GRID2: variants seen among roughly 807,000 people sequenced by gnomAD.
GRID2 encodes glutamate receptor ionotropic, delta-2.
Under a neutral mutation model 114.8 loss-of-function variants are expected in GRID2, and 33 were observed. The ratio of observed to expected loss-of-function variants is 0.29; its 90% CI spans 0.22 to 0.38. The LOEUF is 0.38. Ranked by LOEUF, GRID2 falls within the 10% of genes least tolerant of loss-of-function variation. The probability of loss-of-function intolerance (pLI) is 1.00; values close to 1 mark genes in which losing one functional copy is unlikely to be tolerated. For missense variants in GRID2, 1,184 were observed against 1,257.7 expected (o/e 0.94, Z 0.89); for synonymous variants, 505 against 449.9 (o/e 1.12, Z -1.55).
chr4:92,820,123 G>T (rs1196710395), intron 2 of GRID2, among the ~76,000 whole-genome samples: 1 of 152,054 alleles, frequency 6.6e-6, no homozygotes, highest in South Asian at 2.1e-4. Context: ...ATTTGGTTCT[G>T]CCCACAGCCC....
intron 4 of GRID2, among the ~76,000 whole-genome samples, chr4:93,186,880 A>G (rs1740474158): frequency 6.6e-6 from 1 of 152,210 alleles, no homozygotes; most frequent in African/African-American, 2.4e-5. Context: ...TGGGTAATTT[A>G]TAAACAACGT....
At chr4:92,829,897 A>G (rs1294451039) in intron 2 of GRID2, among the ~76,000 whole-genome samples, 2 of 152,090 alleles carry the variant, frequency 1.3e-5, no homozygotes, top group African/African-American at 4.8e-5. Flanking sequence ...ACATATGGAC[A>G]CAAGGAGGGG....
At chr4:92,811,134 A>T (rs1485252485) in intron 2 of GRID2, among the ~76,000 whole-genome samples, 1 of 152,286 alleles carries the variant, frequency 6.6e-6, no homozygotes, top group African/African-American at 2.4e-5. Context: ...TAAATCTTAG[A>T]GCATTTAGGT....
At chr4:92,460,317 A>T (rs541445980) in intron 1 of GRID2, among the ~76,000 whole-genome samples, 1 of 151,952 alleles carries the variant, frequency 6.6e-6, no homozygotes, top group Admixed American at 6.6e-5. Context: ...TATGCTAGTT[A>T]AATACTCATT....
intron 15 of GRID2, among the ~76,000 whole-genome samples, chr4:93,770,429 T>C (rs970956545): frequency 6.6e-6 from 1 of 152,260 alleles, no homozygotes; most frequent in Non-Finnish European, 1.5e-5. Flanking sequence ...CATTTGCATA[T>C]GAATTGTTGC....
intron 2 of GRID2, among the ~76,000 whole-genome samples, chr4:92,885,867 A>C (rs1181030737): frequency 6.6e-6 from 1 of 152,098 alleles, no homozygotes; most frequent in Non-Finnish European, 1.5e-5. Context: ...CTCTTTGTGA[A>C]CCTGTTATGG....
At chr4:92,666,626 G>A (rs77057070) in intron 2 of GRID2, among the ~76,000 whole-genome samples, 9,001 of 135,642 alleles carry the variant, frequency 0.066, 353 homozygotes, top group East Asian at 0.18. Flanking sequence ...CCAAGGATTA[G>A]GCTGATGTGT....
In GRID2 at chr4:92,600,044, GTATATATATATATATA is replaced by G. The variant is rs70942915; in HGVS notation, c.244+9788_244+9803del. Among the ~76,000 whole-genome samples the G allele has an allele frequency of 1.5e-3, 82 of 54,434 alleles. 1 individual carries two copies. The highest frequency in any genetic ancestry group is 3.3e-3 in the East Asian group (6 of 1,844). The allele number at this position is 54,434 out of a possible 152,430, so 35.7% of individuals were successfully genotyped here. On this transcript the variant is annotated intron_variant, in intron 2 of 15. Transcript: ENST00000282020. ...CATGTATGTGTGTGTGTGTGTGTGT[GTATATATATATATATA>G]TATATATATATATATATATATATAT...
intron 8 of GRID2, among the ~76,000 whole-genome samples, chr4:93,324,715 T>G (rs989759604): frequency 6.6e-6 from 1 of 151,848 alleles, no homozygotes; most frequent in Non-Finnish European, 1.5e-5. Context: ...AATTTCAGAG[T>G]CTGTTATTGG....
chr4:92,350,312 C>A (rs187115493), intron 1 of GRID2, among the ~76,000 whole-genome samples: 8 of 151,930 alleles, frequency 5.3e-5, no homozygotes, highest in African/African-American at 1.9e-4. Context: ...TCTTTAATAT[C>A]CACTACTCTC....
intron 4 of GRID2, among the ~76,000 whole-genome samples, chr4:93,121,202 T>G (rs1233784537): frequency 6.6e-6 from 1 of 152,096 alleles, no homozygotes; most frequent in Admixed American, 6.5e-5. Context: ...ATGCACAATT[T>G]TAAAGATGAA....
At position 92,708,500 on chromosome 4, in the gene GRID2, C is replaced by T. The variant is rs546378510; in HGVS notation, c.244+118214C>T. On this transcript the variant is annotated intron_variant, in intron 2 of 15. Coordinates refer to ENST00000282020, the MANE Select transcript of GRID2 (RefSeq NM_001510.4). ...GGCAGCATGGGTTTGTATCTTAGCTCCCACACATTATTGTGGACCTGGGAA... is the reference window on the plus strand; with the variant it reads ...GGCAGCATGGGTTTGTATCTTAGCTTCCACACATTATTGTGGACCTGGGAA... 8.5e-5 allele frequency among the ~76,000 whole-genome samples: 13 copies of T among 152,226 alleles called. No individual in the cohort carries two copies. In the East Asian group the frequency reaches 2.5e-3, roughly 30 times the overall value.
intron 2 of GRID2, among the ~76,000 whole-genome samples, chr4:92,606,240 A>C (rs891427356): frequency 1.2e-4 from 19 of 152,072 alleles, no homozygotes; most frequent in Admixed American, 1.1e-3. Context: ...TTCATAACTT[A>C]TCACATCCAA....
intron 8 of GRID2, among the ~76,000 whole-genome samples, chr4:93,259,970 T>C (rs977670872): frequency 4.0e-4 from 61 of 151,770 alleles, no homozygotes; most frequent in African/African-American, 1.4e-3. Context: ...CCATGTGATA[T>C]TAAAATTTGG....
chr4:92,854,630 A>G (rs1744054384), intron 2 of GRID2, among the ~76,000 whole-genome samples: 1 of 150,656 alleles, frequency 6.6e-6, no homozygotes, highest in African/African-American at 2.4e-5. Context: ...ACAAGATGAT[A>G]TGAAAGTCAG....
At chr4:92,721,188 G>T (rs1735793262) in intron 2 of GRID2, among the ~76,000 whole-genome samples, 1 of 152,092 alleles carries the variant, frequency 6.6e-6, no homozygotes, top group Non-Finnish European at 1.5e-5. Context: ...AATGGACAGA[G>T]AATTTCAGTT....
At chr4:92,650,731 T>C (rs1291717213) in intron 2 of GRID2, among the ~76,000 whole-genome samples, 2 of 151,740 alleles carry the variant, frequency 1.3e-5, no homozygotes, top group Non-Finnish European at 2.9e-5. Context: ...GGAGCACAAA[T>C]GTAGATAGTG....
chr4:93,611,845 G>T (rs1740956645), intron 13 of GRID2, among the ~76,000 whole-genome samples: 1 of 151,826 alleles, frequency 6.6e-6, no homozygotes, highest in African/African-American at 2.4e-5. Context: ...CTGGTGCAGA[G>T]CTGAGTTCAA....
Position 93,176,232 on chromosome 4 carries a change from C to A in GRID2, c.736-31172C>A, listed in dbSNP as rs566949168. On this transcript the variant is annotated intron_variant, in intron 4 of 15. Transcript: ENST00000282020. ...TAATTAACTTGGAAGAAATATATTC[C>A]AAATAAGCTATAGATTGGATAATTA... is the stretch of plus-strand genomic sequence containing the variant. Among the ~76,000 whole-genome samples, 11 of 151,962 alleles carry A rather than the reference C, an allele frequency of 7.2e-5. No individual in the cohort carries two copies. In the East Asian group the frequency reaches 1.9e-3, roughly 27 times the overall value.
Sources: allele counts gnomAD v4.1 joint callset (sites outside exome capture counted in the v4.1 genomes callset), GRCh38; gene constraint gnomAD v4.1.1; transcripts MANE v1.5; gene names NCBI Gene and HGNC (gene_info 2026-07-23, HGNC 2026-07-21).